Variants in BCL7C observed in about 807,000 individuals in gnomAD.
The protein encoded by BCL7C is BAF chromatin remodeling complex subunit BCL7C.
Under a neutral mutation model 26.2 loss-of-function variants are expected in BCL7C, and 8 were observed. The observed-to-expected ratio is 0.30, with a 90% confidence interval of 0.18 to 0.55. The LOEUF (loss-of-function observed/expected upper bound fraction) is 0.55. BCL7C is among the 20% of genes least tolerant of loss of function. BCL7C has a pLI of 0.93. For missense variants in BCL7C, 262 were observed against 298.5 expected (o/e 0.88, Z 0.90); for synonymous variants, 90 against 116.5 (o/e 0.77, Z 1.47).
intron 5 of BCL7C, among the ~76,000 whole-genome samples, chr16:30,856,373 A>G (rs2054721691): frequency 6.7e-6 from 1 of 150,212 alleles, no homozygotes; most frequent in Non-Finnish European, 1.5e-5. Context: ...CCCAGGAGGC[A>G]GAAGTTGCAG....
At chr16:30,892,817 C>A in intron 3 of BCL7C, 23 bp downstream of exon 3, 1 of 1,613,736 alleles carries the variant, frequency 6.2e-7, no homozygotes, top group South Asian at 1.1e-5. Flanking sequence ...CACAGCCCCC[C>A]GCGTTTCAGG....
At chr16:30,873,838 T>A (rs12928081) in intron 5 of BCL7C, among the ~76,000 whole-genome samples, 2 of 134,512 alleles carry the variant, frequency 1.5e-5, no homozygotes, top group African/African-American at 2.7e-5. Context: ...GCCACAGAGC[T>A]ACACTGTCTC....
At chr16:30,866,309 G>A (rs2054827735) in intron 5 of BCL7C, among the ~76,000 whole-genome samples, 1 of 152,160 alleles carries the variant, frequency 6.6e-6, no homozygotes, top group South Asian at 2.1e-4. Context: ...GGGTGCGGTG[G>A]TTCACGCCTG....
At chr16:30,891,669 A>G (rs1205052470) in intron 4 of BCL7C, among the ~76,000 whole-genome samples, 1 of 152,130 alleles carries the variant, frequency 6.6e-6, no homozygotes, top group Admixed American at 6.5e-5. Flanking sequence ...ACAGTAGTGA[A>G]CAAGATCACA....
At chr16:30,876,558 A>G (rs576217597) in intron 5 of BCL7C, among the ~76,000 whole-genome samples, 1 of 152,276 alleles carries the variant, frequency 6.6e-6, no homozygotes, top group South Asian at 2.1e-4. Context: ...TATGAGACAG[A>G]TGTGGCCTTA....
intron 5 of BCL7C, among the ~76,000 whole-genome samples, chr16:30,842,782 ATGG>A (rs2054610591): frequency 6.6e-6 from 1 of 152,034 alleles, no homozygotes; most frequent in African/African-American, 2.4e-5. Flanking sequence ...GTCAGCCAGG[ATGG>A]TCTCGATCTC....
chr16:30,887,563 GA>G (rs1567323156), downstream of BCL7C, among the ~76,000 whole-genome samples: 1 of 151,766 alleles, frequency 6.6e-6, no homozygotes, highest in African/African-American at 2.4e-5. Context: ...TGAGCAGGAA[GA>G]GGGGTCCTGG....
chr16:30,888,806 C>T, intron 5 of BCL7C, 54 bp downstream of exon 5: 1 of 1,564,780 alleles, frequency 6.4e-7, no homozygotes, highest in Non-Finnish European at 8.8e-7. Flanking sequence ...TTCGACTGCC[C>T]AGATCCCCCA....
intron 5 of BCL7C, among the ~76,000 whole-genome samples, chr16:30,869,509 CT>C (rs66513735): frequency 0.74 from 100,433 of 135,380 alleles, 37,305 homozygotes; most frequent in East Asian, 0.91. Flanking sequence ...CTGGCTCTTT[CT>C]TTTTTTTTTT....
chr16:30,890,976 ACTCTGT>A (rs900553663), intron 4 of BCL7C, among the ~76,000 whole-genome samples: 3 of 151,234 alleles, frequency 2.0e-5, no homozygotes, highest in African/African-American at 7.3e-5. Flanking sequence ...CAAGAATGAA[ACTCTGT>A]CTCAAAAACA....
Position 30,888,916 on chromosome 16 carries a change from C to T in BCL7C, c.472G>A (p.Asp158Asn), listed in dbSNP as rs1217175428. Residue 158 changes from aspartate (D) to asparagine (N), a missense_variant, in exon 5 of 6, where the codon GAC (aspartate) becomes AAC (asparagine). Coordinates refer to ENST00000215115, the MANE Select transcript of BCL7C (RefSeq NM_004765.4). The part of the protein sequence containing the change: ...DPGGITAGST[D>N]EPPMLTKEEP... ...TCCTTGGTCAGCATTGGGGGTTCGT[C>T]GGTGCTGCCAGCAGTTATGCCCCCG... The T allele has an allele frequency of 4.3e-6, 7 of 1,613,872 alleles. No individual in the cohort carries two copies. Among genetic ancestry groups the T allele is most frequent in the South Asian group, 2.2e-5 (2 of 91,086 alleles).
At chr16:30,884,392 C>A (rs4889653), downstream of BCL7C, among the ~76,000 whole-genome samples, 1 of 151,776 alleles carries the variant, frequency 6.6e-6, no homozygotes. Context: ...TGAGCACTTA[C>A]TACGTCCCAG....
chr16:30,837,378 G>A (rs371412295), intron 5 of BCL7C, among the ~76,000 whole-genome samples: 3 of 151,750 alleles, frequency 2.0e-5, no homozygotes, highest in East Asian at 3.9e-4. Context: ...TTTTTGAGGC[G>A]GAGTTTTGCT....
chr16:30,891,168 C>CAA (rs147478982), intron 4 of BCL7C, among the ~76,000 whole-genome samples: 23,247 of 84,214 alleles, frequency 0.28, 3,079 homozygotes, highest in South Asian at 0.68. Context: ...GACTTCATCT[C>CAA]AAAAAAAAAA....
intron 4 of BCL7C, among the ~76,000 whole-genome samples, chr16:30,889,767 C>T (rs1366713667): frequency 6.6e-6 from 1 of 151,948 alleles, no homozygotes; most frequent in East Asian, 1.9e-4. Context: ...AAGACCCTGT[C>T]TCTATAAAGA....
At position 30,879,700 on chromosome 16, in the gene BCL7C, A is replaced by AAAAAAAAAAAAAAAAAAAAAAAAC. The variant is rs758573108; in HGVS notation, c.528+9159_528+9160insGTTTTTTTTTTTTTTTTTTTTTTT. On this transcript the variant is annotated intron_variant, in intron 5 of 5. Transcript: ENST00000380317. ...ACTCCCCTTCTCTACAAAAAAAAAA[A>AAAAAAAAAAAAAAAAAAAAAAAAC]AAAAAAAAACTGGGCACGGTGGCTC... Among the ~76,000 whole-genome samples the AAAAAAAAAAAAAAAAAAAAAAAAC allele has an allele frequency of 1.7e-3, 227 of 135,030 alleles. 5 individuals carry two copies. Among genetic ancestry groups the AAAAAAAAAAAAAAAAAAAAAAAAC allele is most frequent in the Non-Finnish European group, 3.4e-3 (201 of 59,460 alleles). The allele number at this position is 135,030 out of a possible 152,430, so 88.6% of individuals were successfully genotyped here.
intron 4 of BCL7C, among the ~76,000 whole-genome samples, chr16:30,891,398 G>A (rs2055232660): frequency 6.6e-6 from 1 of 151,974 alleles, no homozygotes; most frequent in Admixed American, 6.6e-5. Context: ...GGAGGTGAAG[G>A]TTGCAGTGAG....
intron 5 of BCL7C, among the ~76,000 whole-genome samples, chr16:30,859,135 G>A (rs2054749029): frequency 6.6e-6 from 1 of 152,196 alleles, no homozygotes; most frequent in Non-Finnish European, 1.5e-5. Context: ...CCCTCTGAGG[G>A]ATTTCCTTAA....
chr16:30,848,958 C>T (rs532544515), intron 5 of BCL7C, among the ~76,000 whole-genome samples: 19 of 150,398 alleles, frequency 1.3e-4, no homozygotes, highest in South Asian at 4.2e-4. Flanking sequence ...GAGGCCGAGG[C>T]GGGTGGATCA....
Sources: gnomAD v4.1 joint callset for allele counts (sites outside exome capture counted in the v4.1 genomes callset) on GRCh38, gnomAD v4.1.1 for gene constraint, MANE v1.5 for transcripts, NCBI Gene and HGNC (gene_info 2026-07-23, HGNC 2026-07-21) for gene names.